Variants in VEGFA observed in about 807,000 individuals in gnomAD.
The protein encoded by VEGFA is vascular endothelial growth factor A, also known as vascular endothelial growth factor A, long form.
VEGFA carries 20 observed loss-of-function variants against 49.7 expected under a neutral mutation model. The ratio of observed to expected loss-of-function variants is 0.40; its 90% CI spans 0.28 to 0.58. The LOEUF (loss-of-function observed/expected upper bound fraction) is 0.58. Ranked by LOEUF, VEGFA falls within the 20% of genes least tolerant of loss-of-function variation. The probability of loss-of-function intolerance (pLI) is 0.40; values close to 1 mark genes in which losing one functional copy is unlikely to be tolerated. For synonymous variants in VEGFA, 219 were observed against 223.4 expected, an observed-to-expected ratio of 0.98 and a Z score of 0.18; for missense variants, 505 against 553.5, an observed-to-expected ratio of 0.91 and a Z score of 0.88.
Position 43,785,947 on chromosome 6 carries a change from A to G in VEGFA, c.*1385A>G. On this transcript the variant is annotated 3_prime_UTR_variant, in exon 8 of 8. Transcript: ENST00000672860. ...CTCTCTTATTTGTACCGGTTTTTGT[A>G]TATAAAATTCATGTTTCCAATCTCT... 1 of 179,968 alleles carries G rather than the reference A, an allele frequency of 5.6e-6. No individual in the cohort carries two copies. Among genetic ancestry groups the G allele is most frequent in the East Asian group, 9.7e-5 (1 of 10,264 alleles). 11.1% of individuals were successfully genotyped at this position (179,968 alleles called of 1,614,324 possible).
intron 7 of VEGFA, chr6:43,784,137 C>T (rs997092687): frequency 6.6e-6 from 2 of 304,218 alleles, no homozygotes; most frequent in Non-Finnish European, 1.3e-5. Flanking sequence ...ACTGAAAACC[C>T]TCCTCAGCAG....
At chr6:43,779,145 A>T in intron 5 of VEGFA, 2 of 620,614 alleles carry the variant, frequency 3.2e-6, no homozygotes, top group Admixed American at 2.9e-5. Context: ...TTTGGAAGGG[A>T]CAATGCCTTC....
At chr6:43,774,147 A>C (rs991243965) in intron 1 of VEGFA, 194 bp from the exon 2 acceptor site, 2 of 649,490 alleles carry the variant, frequency 3.1e-6, no homozygotes, top group African/African-American at 3.6e-5. Context: ...GTTCATAACC[A>C]TAGCAGTCCA....
At position 43,781,766 on chromosome 6, in the gene VEGFA, G is replaced by A. The variant is rs147040544; in HGVS notation, c.1035-190G>A. 3.6e-4 allele frequency: 248 copies of A among 687,442 alleles called. No individual in the cohort carries two copies. The Middle Eastern group carries it at 7.6e-3, about 21-fold the overall frequency. 42.6% of individuals were successfully genotyped at this position (687,442 alleles called of 1,614,324 possible). On this transcript the variant is annotated intron_variant, in intron 6 of 7. Transcript: ENST00000672860. ...GCCTCTTCCTGCGGCAGGTGTCCTA[G>A]CCAGTGCTGCCTCTTTCCGCCGCTC...
chr6:43,782,185 C>A (rs1310868890), intron 7 of VEGFA, 98 bp downstream of exon 7: 1 of 1,536,096 alleles, frequency 6.5e-7, no homozygotes, highest in Non-Finnish European at 8.8e-7. Flanking sequence ...AGCGGGAGAG[C>A]GCCTGAGAGG....
In VEGFA at chr6:43,786,055, C is replaced by G. The variant is rs1769392060; in HGVS notation, c.*1493C>G. ...ACACTCAGCTCTGCCCTCCCCGATCCCCTGGCTCCCCAGCACACATTCCTT... is the reference window on the plus strand; with the variant it reads ...ACACTCAGCTCTGCCCTCCCCGATCGCCTGGCTCCCCAGCACACATTCCTT... On this transcript the variant is annotated 3_prime_UTR_variant, in exon 8 of 8. Transcript: ENST00000672860. 5.5e-6 allele frequency: 1 copy of G among 181,976 alleles called. No individual in the cohort carries two copies. The highest frequency in any genetic ancestry group is 2.0e-4 in the South Asian group (1 of 5,068). 11.3% of individuals were successfully genotyped at this position (181,976 alleles called of 1,614,324 possible).
In VEGFA at chr6:43,785,985, G is replaced by A. The variant is rs41282644; in HGVS notation, c.*1423G>A. 7,587 of 180,106 alleles carry A rather than the reference G, an allele frequency of 0.042. 248 individuals are homozygous for A. The highest frequency in any genetic ancestry group is 0.07 in the Middle Eastern group (34 of 484). 11.2% of individuals were successfully genotyped at this position (180,106 alleles called of 1,614,324 possible). A position where few individuals can be genotyped will look rare whatever the true frequency, so the allele number is the denominator to read the frequency against. ...GTTTCCAATCTCTCTCTCCCTGATC[G>A]GTGACAGTCACTAGCTTATCTTGAA... On this transcript the variant is annotated 3_prime_UTR_variant, in exon 8 of 8. Coordinates refer to ENST00000672860, the MANE Select transcript of VEGFA (RefSeq NM_003376.6).
intron 1 of VEGFA, among the ~76,000 whole-genome samples, chr6:43,771,821 C>T (rs1487004801): frequency 6.6e-6 from 1 of 152,174 alleles, no homozygotes; most frequent in African/African-American, 2.4e-5. Flanking sequence ...CTTCAGCCCT[C>T]GCCGCGAGTT....
At chr6:43,782,131 A>G (rs1768007741) in intron 7 of VEGFA, 44 bp downstream of exon 7, 2 of 1,608,314 alleles carry the variant, frequency 1.2e-6, no homozygotes, top group Non-Finnish European at 1.7e-6. Context: ...GGCATCACAC[A>G]GAGATGGGGA....
chr6:43,782,054 C>T lies in VEGFA; in HGVS notation c.1133C>T (p.Ala378Val), dbSNP rs866329410. Residue 378 changes from alanine to valine, a missense_variant, in exon 7 of 8, where the codon GCG (alanine) becomes GTG (valine). Ala to Val is a moderately conservative substitution (Grantham distance 64, BLOSUM62 0). Transcript: ENST00000672860. ...AAAAACACAGACTCGCGTTGCAAGG[C>T]GAGGCAGCTTGAGTTAAACGAACGT... 1 of 1,614,014 alleles carries T rather than the reference C, an allele frequency of 6.2e-7. No individual in the cohort carries two copies. Among genetic ancestry groups the T allele is most frequent in the Non-Finnish European group, 8.5e-7 (1 of 1,180,012 alleles).
intron 2 of VEGFA, chr6:43,776,531 T>G (rs1260087399): frequency 2.6e-5 from 4 of 152,334 alleles, no homozygotes; most frequent in Non-Finnish European, 5.9e-5. Flanking sequence ...TGGTCTCCCT[T>G]CAGATCAGCT....
rs1767508998 is a variant in VEGFA, at chr6:43,781,048, G to C, written c.1034+245G>C. ...GTGCCGACTTGGCCTGGAGGATTAA[G>C]GGAGGGGACCCTGGCTTGGCTGGGC... On this transcript the variant is annotated intron_variant, in intron 6 of 7. Coordinates refer to ENST00000672860, the MANE Select transcript of VEGFA (RefSeq NM_003376.6). The C allele has an allele frequency of 3.2e-6, 3 of 937,380 alleles. No individual in the cohort carries two copies. The East Asian group carries it at 8.0e-5, about 25-fold the overall frequency. 58.1% of individuals were successfully genotyped at this position (937,380 alleles called of 1,614,324 possible).
At position 43,774,362 on chromosome 6, in the gene VEGFA, G is replaced by A; in HGVS notation, c.628G>A (p.Ala210Thr). 1.9e-6 allele frequency: 3 copies of A among 1,614,180 alleles called. No individual in the cohort carries two copies. The highest frequency in any genetic ancestry group is 2.5e-6 in the Non-Finnish European group (3 of 1,180,026). The change falls in exon 2 of 8, where the codon GCA becomes ACA. Residue 210 changes from alanine (A) to threonine (T), a missense_variant. Ala to Thr is a moderately conservative substitution (Grantham distance 58). Around this residue, in one of 2 missense-constraint regions of VEGFA, gnomAD observed 340 missense variants for 321.8 expected, o/e 1.06. Transcript: ENST00000672860. ...TCAGTGGTCCCAGGCTGCACCCATG[G>A]CAGAAGGAGGAGGGCAGAATCATCA...
In VEGFA at chr6:43,770,850, C is replaced by G. The variant is rs1425392442; in HGVS notation, c.144C>G (p.Arg48=). The change falls in exon 1 of 8, where the codon CGC becomes CGG. Residue 48 remains arginine, a synonymous_variant. Transcript: ENST00000672860. The stretch of plus-strand genomic sequence containing the variant: ...GCGGGGTGGAGGGGGTCGGGGCTCG[C>G]GGCGTCGCACTGAAACTTTTCGTCC... The G allele has an allele frequency of 6.5e-7, 1 of 1,532,868 alleles. No individual in the cohort carries two copies. The highest frequency in any genetic ancestry group is 8.8e-7 in the Non-Finnish European group (1 of 1,141,096). 95.0% of individuals were successfully genotyped at this position (1,532,868 alleles called of 1,614,324 possible).
At chr6:43,778,859 T>G (rs1440033239) in intron 4 of VEGFA, 30 bp from the exon 5 acceptor site, 1 of 1,613,948 alleles carries the variant, frequency 6.2e-7, no homozygotes, top group Admixed American at 1.7e-5. Context: ...TTCCCTGTTT[T>G]GCTCTTTTCT....
intron 6 of VEGFA, 26 bp from the exon 7 acceptor site, chr6:43,781,930 A>G (rs1334348164): frequency 1.9e-6 from 3 of 1,613,104 alleles, no homozygotes; most frequent in South Asian, 1.1e-5. Flanking sequence ...TCTAGCTTAG[A>G]TGTCTTTCCT....
At chr6:43,774,790 G>A (rs833068) in intron 2 of VEGFA, 111,996 of 326,118 alleles carry the variant, frequency 0.34, 20,111 homozygotes, top group African/African-American at 0.47. Context: ...TGGGAACTGT[G>A]ACCCTTCCTG....
At chr6:43,778,335 C>T in intron 3 of VEGFA, 125 bp from the exon 4 acceptor site, 1 of 813,124 alleles carries the variant, frequency 1.2e-6, no homozygotes, top group Non-Finnish European at 2.1e-6. Flanking sequence ...GTCCTCCCTG[C>T]CTCCACCACC....
rs374062050 is a variant in VEGFA at position 43,779,198 on chromosome 6, G to T, written c.962+280G>T. On this transcript the variant is annotated intron_variant, in intron 5 of 7. Coordinates refer to ENST00000672860, the MANE Select transcript of VEGFA (RefSeq NM_003376.6). ...CCTGACCAGGACTTGCTGTTTCGGT[G>T]TGTCAGGGGGCACTGTGGACACTGG... 46 of 567,270 alleles carry T rather than the reference G, an allele frequency of 8.1e-5. No homozygotes were observed. The Middle Eastern group carries it at 1.4e-3, about 18-fold the overall frequency. The allele number at this position is 567,270 out of a possible 1,614,324, so 35.1% of individuals were successfully genotyped here. A position where few individuals can be genotyped will look rare whatever the true frequency, so the allele number is the denominator to read the frequency against.
Sources: gnomAD v4.1 joint callset for allele counts (sites outside exome capture counted in the v4.1 genomes callset) on GRCh38, gnomAD v4.1.1 for gene constraint, gnomAD v4.1.1 regional missense constraint, MANE v1.5 for transcripts, NCBI Gene and HGNC (gene_info 2026-07-23, HGNC 2026-07-21) for gene names.